The following PTPN14 variants were observed in gnomAD, a reference collection of about 807,000 sequenced individuals.
The protein encoded by PTPN14 is tyrosine-protein phosphatase non-receptor type 14.
A neutral mutation model predicts 126.8 loss-of-function variants in PTPN14; 53 were observed. That is an observed-to-expected ratio of 0.42 (90% CI 0.34 to 0.53). The LOEUF is 0.53. PTPN14 is among the 20% of genes least tolerant of loss of function. PTPN14 has a pLI of 0.08. For synonymous variants in PTPN14, 630 were observed against 599.3 expected (o/e 1.05, Z -0.75); for missense variants, 1,257 against 1,552.9 (o/e 0.81, Z 3.20).
At chr1:214,480,682 G>A (rs946171556) in intron 1 of PTPN14, among the ~76,000 whole-genome samples, 3 of 152,172 alleles carry the variant, frequency 2.0e-5, no homozygotes, top group African/African-American at 7.2e-5. Context: ...TCTAAGGATA[G>A]CTTTTGAAAA....
intron 1 of PTPN14, among the ~76,000 whole-genome samples, chr1:214,470,030 A>T (rs1486099209): frequency 6.6e-6 from 1 of 152,232 alleles, no homozygotes; most frequent in East Asian, 1.9e-4. Context: ...GAAATTAAAG[A>T]AACTATACAT....
At chr1:214,477,102 G>A (rs1334698180) in intron 1 of PTPN14, among the ~76,000 whole-genome samples, 2 of 152,236 alleles carry the variant, frequency 1.3e-5, no homozygotes, top group East Asian at 1.9e-4. Flanking sequence ...AGGGTGCCCA[G>A]TGGGTTTCAG....
chr1:214,452,630 C>A (rs1365671106), intron 2 of PTPN14, among the ~76,000 whole-genome samples: 1 of 152,160 alleles, frequency 6.6e-6, no homozygotes, highest in East Asian at 1.9e-4. Flanking sequence ...CTGTTCTTGG[C>A]AGATTATGGT....
At chr1:214,544,555 G>A (rs1452043542) in intron 1 of PTPN14, among the ~76,000 whole-genome samples, 1 of 152,126 alleles carries the variant, frequency 6.6e-6, no homozygotes, top group Non-Finnish European at 1.5e-5. Flanking sequence ...TTCGAGACCA[G>A]CCTGGCCAAC....
rs778698442 is a variant in PTPN14 at position 214,383,314 on chromosome 1, G to C, written c.2541C>G (p.Ile847Met). Reference sequence around the variant, plus strand: ...CCTGGGAGAGGAGGACACTCACCCTGATCATCATCTCTCTCTCTATAATGC... The same window carrying C: ...CCTGGGAGAGGAGGACACTCACCCTCATCATCATCTCTCTCTCTATAATGC... Reference protein sequence around the residue: ...EDSIIEREMMIRNLEKQKMAG... With the variant: ...EDSIIEREMMMRNLEKQKMAG... The change falls in exon 13 of 19, where the codon ATC becomes ATG. Residue 847 changes from isoleucine (I) to methionine (M), a missense_variant. By Grantham distance (10) the Ile-to-Met change is conservative. Around this residue, in one of 3 missense-constraint regions of PTPN14, gnomAD observed 1,021 missense variants for 1,183.3 expected, o/e 0.86. Coordinates refer to ENST00000366956, the MANE Select transcript of PTPN14 (RefSeq NM_005401.5). This position sits in a 1 kb window ranked among gnomAD's most constrained non-coding sequence, Gnocchi z 4.4. The C allele has an allele frequency of 1.3e-5, 21 of 1,608,964 alleles. No individual in the cohort carries two copies. Among genetic ancestry groups the C allele is most frequent in the Middle Eastern group, 1.7e-4 (1 of 6,060 alleles).
intron 1 of PTPN14, among the ~76,000 whole-genome samples, chr1:214,490,319 G>T (rs1226869780): frequency 6.6e-6 from 1 of 152,228 alleles, no homozygotes; most frequent in Non-Finnish European, 1.5e-5. Flanking sequence ...CCCCAGCTGA[G>T]AATAAAGCAG....
intron 18 of PTPN14, among the ~76,000 whole-genome samples, chr1:214,362,790 C>G (rs1571950367): frequency 6.6e-6 from 1 of 152,172 alleles, no homozygotes; most frequent in East Asian, 1.9e-4. Context: ...ACTACTTGAG[C>G]CTAGGAGTTT....
At chr1:214,435,970 A>G (rs1659904655) in intron 3 of PTPN14, among the ~76,000 whole-genome samples, 1 of 152,224 alleles carries the variant, frequency 6.6e-6, no homozygotes, top group African/African-American at 2.4e-5. Flanking sequence ...ACCATTCACA[A>G]TAGCAAAGAC....
At chr1:214,431,813 A>T (rs1659803144) in intron 3 of PTPN14, among the ~76,000 whole-genome samples, 2 of 152,350 alleles carry the variant, frequency 1.3e-5, no homozygotes, top group Admixed American at 1.3e-4. Flanking sequence ...TAAATGGGTT[A>T]ATATGGATGA....
intron 2 of PTPN14, among the ~76,000 whole-genome samples, chr1:214,457,197 T>C (rs569127801): frequency 6.6e-6 from 1 of 152,350 alleles, no homozygotes; most frequent in Non-Finnish European, 1.5e-5. Flanking sequence ...GGAAAATTTC[T>C]ACTGTAGTGA....
At position 214,384,427 on chromosome 1, in the gene PTPN14, G is replaced by C. The variant is rs1658558918; in HGVS notation, c.1428C>G (p.Ala476=). The stretch of plus-strand genomic sequence containing the variant: ...ACACCAGATCCTCTGGCTGGTTGTA[G>C]GCATGGGTGTTGATAATGTTGAGGT... ...LRNLNIINTH[A]YNQPEDLVYS... Residue 476 remains alanine, a synonymous_variant, in exon 13 of 19, where the codon GCC becomes GCG. Transcript: ENST00000366956. This position sits in a 1 kb window ranked among gnomAD's most constrained non-coding sequence, Gnocchi z 5.3. 4 of 1,614,164 alleles carry C rather than the reference G, an allele frequency of 2.5e-6. No individual in the cohort carries two copies. Among genetic ancestry groups the C allele is most frequent in the Non-Finnish European group, 3.4e-6 (4 of 1,180,022 alleles).
At chr1:214,449,297 C>T (rs934295555) in intron 3 of PTPN14, among the ~76,000 whole-genome samples, 4 of 152,096 alleles carry the variant, frequency 2.6e-5, no homozygotes, top group Non-Finnish European at 4.4e-5. Flanking sequence ...TGAGCCACCG[C>T]GCCCGGCCGA....
intron 2 of PTPN14, among the ~76,000 whole-genome samples, chr1:214,456,096 C>G (rs1660375875): frequency 6.8e-6 from 1 of 146,238 alleles, no homozygotes; most frequent in South Asian, 2.2e-4. Flanking sequence ...TTTGTTTTTC[C>G]AGTTTTGTGA....
intron 5 of PTPN14, among the ~76,000 whole-genome samples, chr1:214,409,771 C>T (rs1659259722): frequency 6.7e-6 from 1 of 150,230 alleles, no homozygotes; most frequent in African/African-American, 2.5e-5. Flanking sequence ...GCTCAATACT[C>T]CTCATGCTCA....
At chr1:214,434,244 G>A (rs1659862053) in intron 3 of PTPN14, among the ~76,000 whole-genome samples, 1 of 152,176 alleles carries the variant, frequency 6.6e-6, no homozygotes, top group Non-Finnish European at 1.5e-5. Flanking sequence ...ATTGGAGATT[G>A]CAAGATGAAA....
intron 3 of PTPN14, among the ~76,000 whole-genome samples, chr1:214,429,003 G>C (rs945852747): frequency 1.3e-5 from 2 of 152,114 alleles, no homozygotes; most frequent in Non-Finnish European, 2.9e-5. Context: ...AACTCACCTA[G>C]AGCCACCACC....
At chr1:214,513,445 C>CA (rs113773162) in intron 1 of PTPN14, among the ~76,000 whole-genome samples, 24,475 of 146,814 alleles carry the variant, frequency 0.17, 2,842 homozygotes, top group African/African-American at 0.32. Flanking sequence ...ATTAGTTCTT[C>CA]AAAAAAAAAA....
chr1:214,471,092 A>T (rs1406133416), intron 1 of PTPN14, among the ~76,000 whole-genome samples: 12 of 147,558 alleles, frequency 8.1e-5, no homozygotes, highest in East Asian at 5.8e-4. Flanking sequence ...TTTTTTTTTT[A>T]AAGACTTAGA....
Position 214,356,538 on chromosome 1 carries a change from A to C in PTPN14, c.*1384T>G, listed in dbSNP as rs939030964. The C allele has an allele frequency of 2.0e-5, 3 of 152,256 alleles. No homozygotes were observed. Among genetic ancestry groups the C allele is most frequent in the African/African-American group, 7.2e-5 (3 of 41,470 alleles). 9.4% of individuals were successfully genotyped at this position (152,256 alleles called of 1,614,324 possible). ...GATTTATTGTGTACCATCCTTGGAA[A>C]TTCAGAAGGACACTGACCAATGAAG... On this transcript the variant is annotated 3_prime_UTR_variant, in exon 19 of 19. Transcript: ENST00000366956.
Sources: allele counts gnomAD v4.1 joint callset (sites outside exome capture counted in the v4.1 genomes callset), GRCh38; gene constraint gnomAD v4.1.1; regional missense constraint gnomAD v4.1.1; non-coding constraint Gnocchi (gnomAD v3.1); transcripts MANE v1.5; gene names NCBI Gene and HGNC (gene_info 2026-07-23, HGNC 2026-07-21).